PHF24: variants seen among roughly 807,000 people sequenced by gnomAD.
PHF24 encodes Galpha inhibitory interacting protein.
PHF24 carries 25 observed loss-of-function variants against 42.6 expected under a neutral mutation model. The ratio of observed to expected loss-of-function variants is 0.59; its 90% confidence interval spans 0.43 to 0.82. The LOEUF (loss-of-function observed/expected upper bound fraction) is 0.82, where lower values mean the gene tolerates loss of function less well. Ranked by LOEUF, PHF24 falls within the 40% of genes least tolerant of loss-of-function variation. PHF24 has a pLI of 0.00. For synonymous variants in PHF24, 185 were observed against 204.8 expected (o/e 0.90, Z 0.83); for missense variants, 470 against 538.1 (o/e 0.87, Z 1.25).
chr9:34,879,453 C>G, the PHF24 span, among the ~76,000 whole-genome samples: 34 of 152,204 alleles, frequency 2.2e-4, no homozygotes, highest in African/African-American at 8.2e-4. Context: ...CACAAAGAAG[C>G]TAAAAACCTT....
the PHF24 span, chr9:34,724,947 A>G: frequency 2.6e-6 from 4 of 1,551,572 alleles, no homozygotes; most frequent in Non-Finnish European, 3.5e-6. Context: ...TCCACAGACA[A>G]GACTCGGAGC....
At chr9:34,800,122 T>G in the PHF24 span, among the ~76,000 whole-genome samples, 1 of 152,176 alleles carries the variant, frequency 6.6e-6, no homozygotes, top group Non-Finnish European at 1.5e-5. Flanking sequence ...ACTTGTACCT[T>G]ATAATTTTAT....
At chr9:34,933,032 C>A in the PHF24 span, among the ~76,000 whole-genome samples, 1 of 149,006 alleles carries the variant, frequency 6.7e-6, no homozygotes, top group African/African-American at 2.5e-5. Context: ...GATATGTTGC[C>A]CAGTCTGGCC....
the PHF24 span, among the ~76,000 whole-genome samples, chr9:34,839,995 C>T: frequency 6.6e-6 from 1 of 152,008 alleles, no homozygotes; most frequent in Non-Finnish European, 1.5e-5. Context: ...CGCAGAACCC[C>T]AAGGAATGTG....
the PHF24 span, among the ~76,000 whole-genome samples, chr9:34,820,683 C>G: frequency 6.6e-6 from 1 of 152,004 alleles, no homozygotes; most frequent in South Asian, 2.1e-4. Flanking sequence ...GTGAATACTA[C>G]TGTGATTAAT....
At chr9:34,883,071 C>G in the PHF24 span, among the ~76,000 whole-genome samples, 3 of 152,168 alleles carry the variant, frequency 2.0e-5, no homozygotes, top group Admixed American at 1.3e-4. Flanking sequence ...ATATCTACAA[C>G]TATCTGATCT....
At chr9:34,697,625 G>A in the PHF24 span, among the ~76,000 whole-genome samples, 10 of 152,104 alleles carry the variant, frequency 6.6e-5, no homozygotes, top group Admixed American at 4.6e-4. Flanking sequence ...CAGCCTTCAC[G>A]TTTCACAAAC....
the PHF24 span, among the ~76,000 whole-genome samples, chr9:34,754,208 T>C: frequency 2.0e-5 from 3 of 152,012 alleles, no homozygotes; most frequent in South Asian, 6.2e-4. Flanking sequence ...ATCAACAAAG[T>C]GAAGAGACAA....
upstream of PHF24, among the ~76,000 whole-genome samples, chr9:34,956,951 T>C (rs1329238037): frequency 2.0e-5 from 3 of 152,212 alleles, no homozygotes; most frequent in Non-Finnish European, 4.4e-5. Flanking sequence ...AATACCTGAA[T>C]TTCAGTCTCA....
the PHF24 span, among the ~76,000 whole-genome samples, chr9:34,864,984 G>A: frequency 6.6e-6 from 1 of 151,902 alleles, no homozygotes; most frequent in Non-Finnish European, 1.5e-5. Context: ...AGACCATCCT[G>A]GTTAACCAAC....
the PHF24 span, among the ~76,000 whole-genome samples, chr9:34,845,934 G>GT: frequency 2.6e-5 from 4 of 151,922 alleles, no homozygotes; most frequent in Non-Finnish European, 5.9e-5. Flanking sequence ...TGAACTCATC[G>GT]TTTTTTATGG....
At chr9:34,737,800 T>C in the PHF24 span, among the ~76,000 whole-genome samples, 2 of 152,214 alleles carry the variant, frequency 1.3e-5, no homozygotes, top group Non-Finnish European at 2.9e-5. Flanking sequence ...ATATTTATAG[T>C]CCGACATGCT....
chr9:34,737,831 C>T, the PHF24 span, among the ~76,000 whole-genome samples: 118,785 of 152,100 alleles, frequency 0.78, 47,043 homozygotes, highest in East Asian at 0.95. Context: ...CTTGTCACTT[C>T]GTCATCATGA....
the PHF24 span, among the ~76,000 whole-genome samples, chr9:34,829,765 G>A: frequency 6.6e-6 from 1 of 152,192 alleles, no homozygotes; most frequent in African/African-American, 2.4e-5. Context: ...TGAACTACAA[G>A]GAGAGTCAGT....
At chr9:34,723,647 A>G in the PHF24 span, 8 of 1,551,518 alleles carry the variant, frequency 5.2e-6, no homozygotes, top group Admixed American at 3.9e-5. Flanking sequence ...TTGAGCATGG[A>G]CTGGCATCAC....
the PHF24 span, among the ~76,000 whole-genome samples, chr9:34,937,124 C>G: frequency 1.5e-4 from 23 of 152,010 alleles, no homozygotes; most frequent in Middle Eastern, 3.4e-3. Flanking sequence ...CCCCTCTGCC[C>G]GGCCACCACC....
chr9:34,917,502 C>A, the PHF24 span: 2 of 772,734 alleles, frequency 2.6e-6, no homozygotes, highest in Admixed American at 1.7e-5. Flanking sequence ...CGAAAGCCTG[C>A]AGAGACCAAT....
chr9:34,826,141 CT>C, the PHF24 span, among the ~76,000 whole-genome samples: 6 of 152,156 alleles, frequency 3.9e-5, no homozygotes, highest in African/African-American at 1.2e-4. Context: ...CCAGGCCCCC[CT>C]CTCCCTCCCC....
the PHF24 span, among the ~76,000 whole-genome samples, chr9:34,861,998 C>T: frequency 6.6e-6 from 1 of 152,128 alleles, no homozygotes; most frequent in Non-Finnish European, 1.5e-5. Context: ...GATCTGGGTG[C>T]CAGCATGATG....
Sources: gnomAD v4.1 joint callset for allele counts (sites outside exome capture counted in the v4.1 genomes callset) on GRCh38, gnomAD v4.1.1 for gene constraint, MANE v1.5 for transcripts, NCBI Gene and HGNC (gene_info 2026-07-23, HGNC 2026-07-21) for gene names.